Variants in DCAF7 observed in about 807,000 individuals in gnomAD.
The protein encoded by DCAF7 is DDB1- and CUL4-associated factor 7.
In DCAF7, 4 loss-of-function variants were observed where a neutral mutation model predicts 41.2. The observed-to-expected ratio is 0.10, with a 90% CI of 0.05 to 0.22. DCAF7 has a LOEUF of 0.22. Ranked by LOEUF, DCAF7 falls within the 10% of genes least tolerant of loss-of-function variation. DCAF7 has a pLI of 1.00. For synonymous variants in DCAF7, 143 were observed against 164.2 expected, an observed-to-expected ratio of 0.87 and a Z score of 0.99; for missense variants, 131 against 443.2, an observed-to-expected ratio of 0.30 and a Z score of 6.32.
Position 63,589,142 on chromosome 17 carries a change from C to T in DCAF7, c.999C>T (p.Tyr333=), listed in dbSNP as rs1166826471. 1 of 1,613,886 alleles carries T rather than the reference C, an allele frequency of 6.2e-7. No homozygotes were observed. The highest frequency in any genetic ancestry group is 8.5e-7 in the Non-Finnish European group (1 of 1,179,900). ...AGCCCGACTGGATCGCCATCTGCTACAACAACTGCCTGGAGATACTCAGAG... is the reference window on the plus strand; with the variant it reads ...AGCCCGACTGGATCGCCATCTGCTATAACAACTGCCTGGAGATACTCAGAG... ...STQPDWIAIC[Y]NNCLEILRV is the part of the protein sequence containing the mutation. Residue 333 remains tyrosine (Y), a synonymous_variant, in exon 7 of 7, where the codon TAC becomes TAT. Transcript: ENST00000614556.
At chr17:63,557,290 C>T (rs2033321436) in intron 1 of DCAF7, among the ~76,000 whole-genome samples, 1 of 152,002 alleles carries the variant, frequency 6.6e-6, no homozygotes, top group Non-Finnish European at 1.5e-5. Context: ...GCTGGCAGAG[C>T]ACACAGGAAA....
chr17:63,593,525 T>C lies in DCAF7; in HGVS notation c.*4353T>C, dbSNP rs189454662. The C allele has an allele frequency of 2.6e-5, 4 of 152,700 alleles. No homozygotes were observed. In the East Asian group the frequency reaches 7.7e-4, roughly 29 times the overall value. The allele number at this position is 152,700 out of a possible 1,614,324, so 9.5% of individuals were successfully genotyped here. ...AAGTTTAAACTCAAGAAGAAAGATG[T>C]TGACAGTCTATGTAACAGCTGGAAA... On this transcript the variant is annotated 3_prime_UTR_variant, in exon 7 of 7. Coordinates refer to ENST00000614556, the MANE Select transcript of DCAF7 (RefSeq NM_005828.5).
At chr17:63,551,857 G>A (rs1023220351) in intron 1 of DCAF7, among the ~76,000 whole-genome samples, 2 of 121,236 alleles carry the variant, frequency 1.6e-5, no homozygotes, top group African/African-American at 3.1e-5. Flanking sequence ...GACCAGCCTG[G>A]GTAACACGGT....
At position 63,589,093 on chromosome 17, in the gene DCAF7, A is replaced by G. The variant is rs764808179; in HGVS notation, c.950A>G (p.Asn317Ser). 11 of 1,613,934 alleles carry G rather than the reference A, an allele frequency of 6.8e-6. No individual in the cohort carries two copies. The South Asian group carries it at 7.7e-5, about 11-fold the overall frequency. The change falls in exon 7 of 7, where the codon AAC becomes AGC. Residue 317 changes from asparagine (N) to serine (S), a missense_variant. Coordinates refer to ENST00000614556, the MANE Select transcript of DCAF7 (RefSeq NM_005828.5). Reference protein sequence around the residue: ...ILAYTAEGEINNVQWASTQPD... With the variant: ...ILAYTAEGEISNVQWASTQPD... ...GCCTACACAGCTGAAGGAGAGATCA[A>G]CAATGTGCAGTGGGCATCAACTCAG...
chr17:63,564,793 C>T (rs1414283074), intron 1 of DCAF7, among the ~76,000 whole-genome samples: 1 of 152,236 alleles, frequency 6.6e-6, no homozygotes, highest in Non-Finnish European at 1.5e-5. Flanking sequence ...AATTCTTCCC[C>T]CACCGGAGGA....
rs577057319 is a variant in DCAF7, at chr17:63,576,164, G to A, written c.139-2306G>A. On this transcript the variant is annotated intron_variant, in intron 1 of 6. Coordinates refer to ENST00000614556, the MANE Select transcript of DCAF7 (RefSeq NM_005828.5). ...ATATGTAAAAAAGCAAACCTTGTTC[G>A]GGAGCTGTAGCTCACGCCTGTAATC... 9.9e-5 allele frequency among the ~76,000 whole-genome samples: 15 copies of A among 152,274 alleles called. No individual in the cohort carries two copies. The South Asian group carries it at 2.9e-3, about 29-fold the overall frequency.
At chr17:63,556,724 A>G (rs1027626676) in intron 1 of DCAF7, among the ~76,000 whole-genome samples, 9 of 151,930 alleles carry the variant, frequency 5.9e-5, no homozygotes, top group African/African-American at 2.2e-4. Context: ...AAAATTAGCC[A>G]GATGTGGTGG....
At chr17:63,580,876 T>G (rs1344907813) in intron 4 of DCAF7, among the ~76,000 whole-genome samples, 1 of 152,166 alleles carries the variant, frequency 6.6e-6, no homozygotes, top group African/African-American at 2.4e-5. Flanking sequence ...TCCCCATAAG[T>G]CTTTTCCTCC....
chr17:63,572,214 T>C (rs2033515030), intron 1 of DCAF7, among the ~76,000 whole-genome samples: 1 of 152,158 alleles, frequency 6.6e-6, no homozygotes, highest in East Asian at 1.9e-4. Flanking sequence ...TCAAGGTAGG[T>C]ACTGTGAATA....
At chr17:63,572,950 A>G (rs1437877397) in intron 1 of DCAF7, among the ~76,000 whole-genome samples, 1 of 152,022 alleles carries the variant, frequency 6.6e-6, no homozygotes, top group Non-Finnish European at 1.5e-5. Flanking sequence ...TTTTGTAGAG[A>G]TGAAGTTTCA....
chr17:63,575,226 G>T (rs890016000), intron 1 of DCAF7, among the ~76,000 whole-genome samples: 5 of 152,206 alleles, frequency 3.3e-5, no homozygotes, highest in African/African-American at 9.7e-5. Flanking sequence ...AGCAACATGG[G>T]AGGCTGAGGC....
chr17:63,559,331 A>ATG lies in DCAF7; in HGVS notation c.138+8517_138+8518insGT, dbSNP rs1371224531. Reference sequence around the variant, plus strand: ...TATATATATATATATGTATATATATATACATACATATATATACGTATATAT... The same window carrying ATG: ...TATATATATATATATGTATATATATATGTACATACATATATATACGTATATAT... On this transcript the variant is annotated intron_variant, in intron 1 of 6. Transcript: ENST00000614556. Among the ~76,000 whole-genome samples, 195 of 75,590 alleles carry ATG rather than the reference A, an allele frequency of 2.6e-3. 2 individuals are homozygous for ATG. The highest frequency in any genetic ancestry group is 0.017 in the African/African-American group (193 of 11,268). The allele number at this position is 75,590 out of a possible 152,430, so 49.6% of individuals were successfully genotyped here. A position where few individuals can be genotyped will look rare whatever the true frequency, so the allele number is the denominator to read the frequency against.
intron 1 of DCAF7, among the ~76,000 whole-genome samples, chr17:63,557,898 GTGTTT>G (rs1310205183): frequency 6.6e-6 from 1 of 152,068 alleles, no homozygotes; most frequent in African/African-American, 2.4e-5. Context: ...TATTTTTCGT[GTGTTT>G]TGTTTTGTTT....
rs564325676 is a variant in DCAF7, at chr17:63,555,191, C to A, written c.138+4376C>A. On this transcript the variant is annotated intron_variant, in intron 1 of 6. Transcript: ENST00000614556. ...CCTGGGCTTCTGTTCCACTTAAGTG[C>A]ATGTTTCAGGGTTGGTTTTGATAAA... 4.6e-5 allele frequency among the ~76,000 whole-genome samples: 7 copies of A among 152,286 alleles called. No homozygotes were observed. The East Asian group carries it at 9.6e-4, about 21-fold the overall frequency.
chr17:63,579,931 C>G lies in DCAF7; in HGVS notation c.516C>G (p.Ala172=). The change falls in exon 4 of 7, where the codon GCC becomes GCG. Residue 172 remains alanine (A), a synonymous_variant. Coordinates refer to ENST00000614556, the MANE Select transcript of DCAF7 (RefSeq NM_005828.5). ...VSGHVKTQLI[A]HDKEVYDIAF... ...GCCACGTGAAGACCCAGCTGATCGC[C>G]CATGACAAAGAGGTAAGATGCTTTT... 1 of 1,613,554 alleles carries G rather than the reference C, an allele frequency of 6.2e-7. No homozygotes were observed. The highest frequency in any genetic ancestry group is 1.1e-5 in the South Asian group (1 of 91,050).
At chr17:63,556,773 A>C (rs2033315778) in intron 1 of DCAF7, among the ~76,000 whole-genome samples, 1 of 152,210 alleles carries the variant, frequency 6.6e-6, no homozygotes. Context: ...AGGCTGAGGC[A>C]GGAGAATCAC....
intron 1 of DCAF7, among the ~76,000 whole-genome samples, chr17:63,561,161 A>G (rs1466375587): frequency 6.6e-6 from 1 of 152,174 alleles, no homozygotes; most frequent in Non-Finnish European, 1.5e-5. Flanking sequence ...GCTACTTAGG[A>G]GGCTGAGGCA....
In DCAF7 at chr17:63,585,085, T is replaced by C. The variant is rs1016225194; in HGVS notation, c.739-126T>C. 7.1e-6 allele frequency: 5 copies of C among 708,664 alleles called. No individual in the cohort carries two copies. The African/African-American group carries it at 8.9e-5, about 13-fold the overall frequency. 43.9% of individuals were successfully genotyped at this position (708,664 alleles called of 1,614,324 possible). A position where few individuals can be genotyped will look rare whatever the true frequency, so the allele number is the denominator to read the frequency against. On this transcript the variant is annotated intron_variant, in intron 5 of 6. Coordinates refer to ENST00000614556, the MANE Select transcript of DCAF7 (RefSeq NM_005828.5). ...TTCCCTCAATCCTATGGAAATCCTG[T>C]CTCTAGTTCTTTAAATCCACAAATG...
rs2033416033 is a variant in DCAF7, at chr17:63,564,166, C to G, written c.138+13351C>G. ...ACACACACACACACACACACACATA[C>G]ACATATATACACACACACCTGTGTT... On this transcript the variant is annotated intron_variant, in intron 1 of 6. Coordinates refer to ENST00000614556, the MANE Select transcript of DCAF7 (RefSeq NM_005828.5). Among the ~76,000 whole-genome samples the G allele has an allele frequency of 2.0e-5, 3 of 151,040 alleles. No homozygotes were observed. The South Asian group carries it at 6.2e-4, about 31-fold the overall frequency.
Sources: gnomAD v4.1 joint callset for allele counts (sites outside exome capture counted in the v4.1 genomes callset) on GRCh38, gnomAD v4.1.1 for gene constraint, MANE v1.5 for transcripts, NCBI Gene and HGNC (gene_info 2026-07-23, HGNC 2026-07-21) for gene names.